ATG7: variants seen among roughly 807,000 people sequenced by gnomAD.
The protein encoded by ATG7 is ubiquitin-like modifier-activating enzyme ATG7.
In ATG7, 70 loss-of-function variants were observed where a neutral mutation model predicts 82.4. The ratio of observed to expected loss-of-function variants is 0.85; its 90% CI spans 0.70 to 1.04. ATG7 has a LOEUF of 1.04. Ranked by LOEUF, ATG7 falls within the 50% of genes least tolerant of loss-of-function variation. The probability of loss-of-function intolerance (pLI) is 0.00; values close to 1 mark genes in which losing one functional copy is unlikely to be tolerated. For synonymous variants in ATG7, 287 were observed against 313.0 expected (o/e 0.92, Z 0.88); for missense variants, 792 against 864.3 (o/e 0.92, Z 1.05).
intron 20 of ATG7, among the ~76,000 whole-genome samples, chr3:11,484,192 G>A (rs1304782198): frequency 3.3e-5 from 5 of 152,094 alleles, no homozygotes; most frequent in African/African-American, 1.2e-4. Context: ...CCAGGAATTC[G>A]AGACCAGCCT....
intron 18 of ATG7, among the ~76,000 whole-genome samples, chr3:11,365,687 C>G (rs2076556063): frequency 6.6e-6 from 1 of 152,148 alleles, no homozygotes; most frequent in Non-Finnish European, 1.5e-5. Flanking sequence ...TCCTCGCCAC[C>G]CACCTTCTGC....
At position 11,298,830 on chromosome 3, in the gene ATG7, G is replaced by A. The variant is rs755941813; in HGVS notation, c.135G>A (p.Lys45=). 2 of 1,614,140 alleles carry A rather than the reference G, an allele frequency of 1.2e-6. No homozygotes were observed. The highest frequency in any genetic ancestry group is 2.2e-5 in the South Asian group (2 of 91,080). The change falls in exon 4 of 21, where the codon AAG becomes AAA. Residue 45 remains lysine (K), a synonymous_variant. Transcript: ENST00000693202. Reference sequence around the variant, plus strand: ...AGTATCGGCTGGATGAAGCTCCCAAGGACATTAAGGGTTATTACTACAATG... The same window carrying A: ...AGTATCGGCTGGATGAAGCTCCCAAAGACATTAAGGGTTATTACTACAATG... ...LNEYRLDEAP[K]DIKGYYYNGD...
chr3:11,320,290 C>CTT (rs113585998), intron 9 of ATG7, among the ~76,000 whole-genome samples: 2 of 146,292 alleles, frequency 1.4e-5, no homozygotes, highest in African/African-American at 2.5e-5. Flanking sequence ...ATCCCTTCTT[C>CTT]TTTTTTTTTT....
downstream of ATG7, among the ~76,000 whole-genome samples, chr3:11,559,934 G>T (rs986693035): frequency 2.6e-5 from 4 of 152,130 alleles, no homozygotes; most frequent in African/African-American, 7.2e-5. Context: ...AGCTCGAGTT[G>T]GCCTCAGTGA....
In ATG7 at chr3:11,314,395, C is replaced by A. The variant is rs866546353; in HGVS notation, c.529-949C>A. Among the ~76,000 whole-genome samples the A allele has an allele frequency of 6.9e-5, 8 of 115,232 alleles. 1 individual carries two copies. Among genetic ancestry groups the A allele is most frequent in the Middle Eastern group, 4.0e-3 (1 of 248 alleles). The allele number at this position is 115,232 out of a possible 152,430, so 75.6% of individuals were successfully genotyped here. On this transcript the variant is annotated intron_variant, in intron 8 of 20. Transcript: ENST00000693202. ...CTCTTGGAGCTGTTCAGGGAGCAGC[C>A]ATTATTGATTAAATTTTTTTTGTTG...
At chr3:11,458,941 T>C (rs2086030847) in intron 20 of ATG7, among the ~76,000 whole-genome samples, 1 of 152,138 alleles carries the variant, frequency 6.6e-6, no homozygotes, top group African/African-American at 2.4e-5. Context: ...TGTGAACTGT[T>C]CATGCGAGGG....
chr3:11,566,366 A>G, the ATG7 span, among the ~76,000 whole-genome samples: 10 of 152,256 alleles, frequency 6.6e-5, no homozygotes, highest in Non-Finnish European at 1.3e-4. Context: ...AAACTACAGT[A>G]CAATATCACA....
chr3:11,412,570 A>C (rs1490176468), intron 19 of ATG7, among the ~76,000 whole-genome samples: 4 of 152,162 alleles, frequency 2.6e-5, no homozygotes, highest in Non-Finnish European at 5.9e-5. Flanking sequence ...ACTATAGTAA[A>C]TTTGATTACT....
At chr3:11,554,162 C>T (rs997323597) in intron 20 of ATG7, among the ~76,000 whole-genome samples, 3 of 152,230 alleles carry the variant, frequency 2.0e-5, no homozygotes, top group African/African-American at 7.2e-5. Context: ...GTTGGGGCCT[C>T]CTGCTCCCCA....
chr3:11,485,231 C>T (rs1295729191), intron 20 of ATG7, among the ~76,000 whole-genome samples: 1 of 152,194 alleles, frequency 6.6e-6, no homozygotes, highest in Non-Finnish European at 1.5e-5. Context: ...TTAATGATTG[C>T]CATTCTAACT....
intron 6 of ATG7, 133 bp downstream of exon 6, chr3:11,307,193 G>A (rs1432678263): frequency 1.2e-6 from 1 of 824,968 alleles, no homozygotes; most frequent in Non-Finnish European, 2.0e-6. Context: ...GTGGGCTTTG[G>A]TATATTTCTC....
At chr3:11,417,947 A>G (rs1316940560) in intron 19 of ATG7, among the ~76,000 whole-genome samples, 1 of 151,280 alleles carries the variant, frequency 6.6e-6, no homozygotes, top group Non-Finnish European at 1.5e-5. Context: ...AGCTGGGACT[A>G]CAGGCACCCA....
At chr3:11,314,608 A>C (rs1949134258) in intron 8 of ATG7, among the ~76,000 whole-genome samples, 1 of 152,168 alleles carries the variant, frequency 6.6e-6, no homozygotes, top group South Asian at 2.1e-4. Context: ...CTAAAAAAAC[A>C]AACAGCACAT....
chr3:11,364,261 T>C (rs1430829337), intron 17 of ATG7, among the ~76,000 whole-genome samples: 1 of 152,250 alleles, frequency 6.6e-6, no homozygotes, highest in Non-Finnish European at 1.5e-5. Flanking sequence ...TACAGAAATG[T>C]GCTGTGATGT....
At chr3:11,369,749 C>G (rs1309258363) in intron 18 of ATG7, among the ~76,000 whole-genome samples, 1 of 151,156 alleles carries the variant, frequency 6.6e-6, no homozygotes, top group Non-Finnish European at 1.5e-5. Context: ...CAGATTGCAT[C>G]TCTTGTCCCA....
Position 11,360,700 on chromosome 3 carries a change from C to G in ATG7, c.1599C>G (p.Asp533Glu). ...CAAACCACCCTGTGGCATCTGCTGACCTCCTGGGCTCATCGCTTTTTGCCA... is the reference window on the plus strand; with the variant it reads ...CAAACCACCCTGTGGCATCTGCTGAGCTCCTGGGCTCATCGCTTTTTGCCA... ...LCPNHPVASA[D>E]LLGSSLFANI... The change falls in exon 16 of 21, where the codon GAC becomes GAG. Residue 533 changes from aspartate (D) to glutamate (E), a missense_variant. Asp to Glu is a conservative substitution (Grantham distance 45). Coordinates refer to ENST00000693202, the MANE Select transcript of ATG7 (RefSeq NM_001349232.2). 1 of 1,614,166 alleles carries G rather than the reference C, an allele frequency of 6.2e-7. No individual in the cohort carries two copies. The highest frequency in any genetic ancestry group is 8.5e-7 in the Non-Finnish European group (1 of 1,180,018).
chr3:11,367,414 T>C (rs1241897185), intron 18 of ATG7, among the ~76,000 whole-genome samples: 1 of 152,146 alleles, frequency 6.6e-6, no homozygotes, highest in Non-Finnish European at 1.5e-5. Flanking sequence ...GTTTTATTAA[T>C]TGGCCCCTGT....
At chr3:11,445,415 A>G (rs1041275315) in intron 20 of ATG7, among the ~76,000 whole-genome samples, 5 of 152,208 alleles carry the variant, frequency 3.3e-5, no homozygotes, top group Non-Finnish European at 5.9e-5. Flanking sequence ...CTTTATCCTT[A>G]CAAACTCATC....
At chr3:11,397,028 AAAC>A (rs2079356095) in intron 19 of ATG7, among the ~76,000 whole-genome samples, 1 of 152,172 alleles carries the variant, frequency 6.6e-6, no homozygotes, top group South Asian at 2.1e-4. Flanking sequence ...AGGAAGAAAA[AAAC>A]AAGTACAAGA....
Sources: gnomAD v4.1 joint callset for allele counts (sites outside exome capture counted in the v4.1 genomes callset) on GRCh38, gnomAD v4.1.1 for gene constraint, MANE v1.5 for transcripts, NCBI Gene and HGNC (gene_info 2026-07-23, HGNC 2026-07-21) for gene names.